Variants in OLA1 observed in about 807,000 individuals in gnomAD.
OLA1 encodes the protein obg-like ATPase 1.
A neutral mutation model predicts 48.4 loss-of-function variants in OLA1; 14 were observed. The ratio of observed to expected loss-of-function variants is 0.29; its 90% CI spans 0.19 to 0.45. OLA1 has a LOEUF of 0.45. OLA1 is among the 20% of genes least tolerant of loss of function. The pLI is 1.00. For synonymous variants in OLA1, 127 were observed against 150.4 expected (o/e 0.84, Z 1.14); for missense variants, 325 against 467.1 (o/e 0.70, Z 2.80).
At chr2:174,190,423 G>T (rs544559124) in intron 4 of OLA1, among the ~76,000 whole-genome samples, 1 of 151,984 alleles carries the variant, frequency 6.6e-6, no homozygotes, top group African/African-American at 2.4e-5. Context: ...TGAGACTCAC[G>T]AAGCTTAAAT....
rs34395720 is a variant in OLA1 at position 174,238,494 on chromosome 2, CAAAA to C, written c.101+8217_101+8220del. ...GGGCAACAGAGTGAGACTCTATGTC[CAAAA>C]AAAAAAAAAAAAAAAGAGAAAAAAC... On this transcript the variant is annotated intron_variant, in intron 2 of 10. Transcript: ENST00000284719. 5.0e-3 allele frequency among the ~76,000 whole-genome samples: 532 copies of C among 106,676 alleles called. 22 individuals are homozygous for C. In the East Asian group the frequency reaches 0.086, roughly 17 times the overall value. 70.0% of individuals were successfully genotyped at this position (106,676 alleles called of 152,430 possible).
At chr2:174,213,196 C>T (rs369414883) in intron 4 of OLA1, among the ~76,000 whole-genome samples, 14 of 152,154 alleles carry the variant, frequency 9.2e-5, no homozygotes, top group African/African-American at 3.4e-4. Context: ...TATACCAGTC[C>T]CATATATGAG....
chr2:174,173,411 G>A (rs1687351523), intron 4 of OLA1, among the ~76,000 whole-genome samples: 1 of 152,048 alleles, frequency 6.6e-6, no homozygotes, highest in African/African-American at 2.4e-5. Flanking sequence ...ACCTAAATAT[G>A]TTTCTTTCTG....
At chr2:174,078,624 T>C (rs1684798732) in intron 10 of OLA1, among the ~76,000 whole-genome samples, 1 of 151,988 alleles carries the variant, frequency 6.6e-6, no homozygotes, top group African/African-American at 2.4e-5. Context: ...ATATATATTA[T>C]ACTTCAGCTA....
chr2:174,170,505 C>T (rs1687272924), intron 4 of OLA1, among the ~76,000 whole-genome samples: 1 of 152,128 alleles, frequency 6.6e-6, no homozygotes, highest in African/African-American at 2.4e-5. Context: ...CCTATCAAGT[C>T]CATTAGACAA....
chr2:174,177,692 A>T (rs182702719), intron 4 of OLA1, among the ~76,000 whole-genome samples: 1 of 152,262 alleles, frequency 6.6e-6, no homozygotes, highest in East Asian at 1.9e-4. Context: ...TGACAAAGTC[A>T]GCTAGCTTAA....
chr2:174,083,460 A>T (rs1684901862), intron 7 of OLA1, among the ~76,000 whole-genome samples: 3 of 152,114 alleles, frequency 2.0e-5, no homozygotes, highest in Admixed American at 2.0e-4. Context: ...TGTGGTTTTC[A>T]ATCTTCATAA....
chr2:174,232,785 C>G (rs1015117267), intron 2 of OLA1, among the ~76,000 whole-genome samples: 1 of 152,078 alleles, frequency 6.6e-6, no homozygotes, highest in South Asian at 2.1e-4. Flanking sequence ...ATAGACGCTA[C>G]GGAAAACAGT....
At chr2:174,122,150 C>A (rs2105367002) in intron 7 of OLA1, among the ~76,000 whole-genome samples, 1 of 152,226 alleles carries the variant, frequency 6.6e-6, no homozygotes, top group South Asian at 2.1e-4. Flanking sequence ...CTTTTTAGAA[C>A]ATTACCAATA....
At position 174,246,744 on chromosome 2, in the gene OLA1, T is replaced by G; in HGVS notation, c.72A>C (p.Lys24Asn). ...CATTTGGCAATCCAACAATACCAAT[T>G]TTCAGTGAGGTTCCAAATCTTCCAA... ...PIIGRFGTSLKIGIVGLPNVG... is the reference protein window; with the variant it reads ...PIIGRFGTSLNIGIVGLPNVG... Residue 24 changes from lysine (K) to asparagine (N), a missense_variant, in exon 2 of 11, where the codon AAA becomes AAC. Lys to Asn is a moderately conservative substitution (Grantham distance 94, BLOSUM62 0). Coordinates refer to ENST00000284719, the MANE Select transcript of OLA1 (RefSeq NM_013341.5). 1 of 1,611,850 alleles carries G rather than the reference T, an allele frequency of 6.2e-7. No homozygotes were observed. The highest frequency in any genetic ancestry group is 8.5e-7 in the Non-Finnish European group (1 of 1,178,632).
intron 4 of OLA1, among the ~76,000 whole-genome samples, chr2:174,147,241 A>G (rs1251538320): frequency 6.6e-6 from 1 of 152,170 alleles, no homozygotes; most frequent in African/African-American, 2.4e-5. Context: ...AGCCTGACCG[A>G]CATGGAGAAA....
chr2:174,187,769 G>A (rs1687687963), intron 4 of OLA1, among the ~76,000 whole-genome samples: 1 of 152,194 alleles, frequency 6.6e-6, no homozygotes, highest in South Asian at 2.1e-4. Flanking sequence ...TAGTAGCAGT[G>A]AACAGAGGCA....
intron 2 of OLA1, among the ~76,000 whole-genome samples, chr2:174,244,646 C>T (rs1023194133): frequency 1.3e-5 from 2 of 150,462 alleles, no homozygotes; most frequent in Non-Finnish European, 2.9e-5. Context: ...TTTTTTGAGA[C>T]GGAGTCTCGC....
At chr2:174,201,143 A>G (rs1687982317) in intron 4 of OLA1, among the ~76,000 whole-genome samples, 1 of 152,194 alleles carries the variant, frequency 6.6e-6, no homozygotes, top group African/African-American at 2.4e-5. Context: ...GAATGCGAAG[A>G]TTTTCTTAAG....
At position 174,123,587 on chromosome 2, in the gene OLA1, C is replaced by T; in HGVS notation, c.630+8G>A. 1 of 1,547,482 alleles carries T rather than the reference C, an allele frequency of 6.5e-7. No homozygotes were observed. ...GCAGTAATAGATGGCATGATATTTA[C>T]AACTTACCTCTTTGTCATTCCAATC... is the stretch of plus-strand genomic sequence containing the variant. On this transcript the variant is annotated splice_region_variant and intron_variant, in intron 6 of 10. Coordinates refer to ENST00000284719, the MANE Select transcript of OLA1 (RefSeq NM_013341.5).
intron 4 of OLA1, among the ~76,000 whole-genome samples, chr2:174,179,537 T>G (rs920583846): frequency 1.8e-4 from 28 of 151,982 alleles, no homozygotes; most frequent in African/African-American, 6.5e-4. Context: ...TGCTGAATTA[T>G]CTGAAAAACA....
intron 4 of OLA1, among the ~76,000 whole-genome samples, chr2:174,168,906 C>G (rs765111802): frequency 6.6e-6 from 1 of 150,956 alleles, no homozygotes; most frequent in Non-Finnish European, 1.5e-5. Context: ...AGAATAAAAA[C>G]GAACAGAGCC....
chr2:174,176,958 A>G lies in OLA1; in HGVS notation c.374-34958T>C, dbSNP rs1394949736. ...AACCATGATTGAGAGAAGCCATCTT[A>G]TGCACATTGCTGTTGTCCCACATCA... On this transcript the variant is annotated intron_variant, in intron 4 of 10. Coordinates refer to ENST00000284719, the MANE Select transcript of OLA1 (RefSeq NM_013341.5). Among the ~76,000 whole-genome samples the G allele has an allele frequency of 3.9e-5, 6 of 152,254 alleles. No homozygotes were observed. The South Asian group carries it at 6.2e-4, about 16-fold the overall frequency.
intron 7 of OLA1, among the ~76,000 whole-genome samples, chr2:174,095,430 A>T (rs1685232717): frequency 7.5e-6 from 1 of 133,444 alleles, no homozygotes; most frequent in Non-Finnish European, 1.5e-5. Context: ...CATTTCTCTT[A>T]TGATTACTGA....
Sources: allele counts gnomAD v4.1 joint callset (sites outside exome capture counted in the v4.1 genomes callset), GRCh38; gene constraint gnomAD v4.1.1; transcripts MANE v1.5; gene names NCBI Gene and HGNC (gene_info 2026-07-23, HGNC 2026-07-21).